B3GALT1: variants seen among roughly 807,000 people sequenced by gnomAD.
B3GALT1 encodes the protein beta-1,3-galactosyltransferase 1.
B3GALT1 carries 10 observed loss-of-function variants against 23.2 expected under a neutral mutation model. That is an observed-to-expected ratio of 0.43 (90% CI 0.27 to 0.73). The LOEUF (loss-of-function observed/expected upper bound fraction) is 0.73. B3GALT1 is among the 30% of genes least tolerant of loss of function. The pLI is 0.21. For synonymous variants in B3GALT1, 156 were observed against 141.5 expected (o/e 1.10, Z -0.73); for missense variants, 299 against 405.4 (o/e 0.74, Z 2.25).
At position 167,803,081 on chromosome 2, in the gene B3GALT1, A is replaced by ACACAC. The variant is rs1553489029; in HGVS notation, c.-351-15591_-351-15590insCACAC. ...TGACAATGTTCATTTGACCCTAACA[A>ACACAC]ACACACACACACACACACACACACA... On this transcript the variant is annotated intron_variant, in intron 3 of 4. Coordinates refer to ENST00000392690, the MANE Select transcript of B3GALT1 (RefSeq NM_020981.4). Among the ~76,000 whole-genome samples, 11 of 141,482 alleles carry ACACAC rather than the reference A, an allele frequency of 7.8e-5. No individual in the cohort carries two copies. The East Asian group carries it at 1.1e-3, about 14-fold the overall frequency. 92.8% of individuals were successfully genotyped at this position (141,482 alleles called of 152,430 possible).
chr2:167,755,372 A>G (rs1269709414), intron 3 of B3GALT1, among the ~76,000 whole-genome samples: 1 of 151,524 alleles, frequency 6.6e-6, no homozygotes, highest in Non-Finnish European at 1.5e-5. Context: ...TTGATGTTGC[A>G]TTGTTCACCC....
chr2:167,473,670 A>T (rs571730518), intron 1 of B3GALT1, among the ~76,000 whole-genome samples: 1 of 152,012 alleles, frequency 6.6e-6, no homozygotes, highest in Admixed American at 6.6e-5. Flanking sequence ...CAGTTTTTTG[A>T]TTATCACAAT....
At chr2:167,546,580 G>A (rs1683639549) in intron 2 of B3GALT1, among the ~76,000 whole-genome samples, 1 of 152,086 alleles carries the variant, frequency 6.6e-6, no homozygotes, top group South Asian at 2.1e-4. Context: ...CAAGGACAGA[G>A]ACCAGAACTT....
intron 1 of B3GALT1, among the ~76,000 whole-genome samples, chr2:167,294,226 G>T (rs1000300465): frequency 1.3e-5 from 2 of 152,318 alleles, no homozygotes; most frequent in Admixed American, 6.5e-5. Flanking sequence ...GACCCGGCCT[G>T]GTGCGCCTCT....
chr2:167,592,370 G>GATCCTC (rs1329924758), intron 2 of B3GALT1, among the ~76,000 whole-genome samples: 1 of 152,114 alleles, frequency 6.6e-6, no homozygotes, highest in East Asian at 1.9e-4. Flanking sequence ...CATGAAACGG[G>GATCCTC]CATTATGGAA....
At chr2:167,636,607 T>C (rs1574182220) in intron 2 of B3GALT1, among the ~76,000 whole-genome samples, 1 of 152,232 alleles carries the variant, frequency 6.6e-6, no homozygotes, top group East Asian at 1.9e-4. Context: ...AATGATAGAC[T>C]GGATAAAGAA....
chr2:167,785,276 G>T (rs544100471), intron 3 of B3GALT1, among the ~76,000 whole-genome samples: 2 of 152,170 alleles, frequency 1.3e-5, no homozygotes, highest in East Asian at 3.9e-4. Flanking sequence ...TGGGAAGATG[G>T]TTGGGATCGT....
At chr2:167,672,219 C>A (rs149548151) in intron 3 of B3GALT1, among the ~76,000 whole-genome samples, 1 of 152,118 alleles carries the variant, frequency 6.6e-6, no homozygotes, top group African/African-American at 2.4e-5. Context: ...ACCCTCCTTA[C>A]GATCCCCATC....
intron 1 of B3GALT1, among the ~76,000 whole-genome samples, chr2:167,338,416 A>C (rs1697094155): frequency 6.6e-6 from 1 of 152,156 alleles, no homozygotes; most frequent in Non-Finnish European, 1.5e-5. Flanking sequence ...GTAAAATGTC[A>C]AGAATATTCC....
chr2:167,495,326 CTTTTTTTT>C (rs954749958), intron 2 of B3GALT1, among the ~76,000 whole-genome samples: 1 of 57,884 alleles, frequency 1.7e-5, no homozygotes, highest in South Asian at 6.0e-4. Flanking sequence ...GCTTGCTTGC[CTTTTTTTT>C]TTTTTTTTTT....
At chr2:167,781,655 A>G (rs368646619) in intron 3 of B3GALT1, among the ~76,000 whole-genome samples, 4 of 152,156 alleles carry the variant, frequency 2.6e-5, no homozygotes, top group South Asian at 4.1e-4. Context: ...CCTCTCAGGC[A>G]GGGAATGGAC....
chr2:167,715,326 C>T, intron 3 of B3GALT1: 1 of 1,613,916 alleles, frequency 6.2e-7, no homozygotes, highest in South Asian at 1.1e-5. Flanking sequence ...TTGGAGTCTT[C>T]AAATGTTATT....
chr2:167,806,806 G>A (rs542734039), intron 3 of B3GALT1, among the ~76,000 whole-genome samples: 1 of 152,126 alleles, frequency 6.6e-6, no homozygotes, highest in African/African-American at 2.4e-5. Flanking sequence ...CCAGGCTTTG[G>A]TATCAGGATG....
chr2:167,370,315 A>G (rs1697662484), intron 1 of B3GALT1, among the ~76,000 whole-genome samples: 1 of 152,234 alleles, frequency 6.6e-6, no homozygotes, highest in Non-Finnish European at 1.5e-5. Flanking sequence ...CATTTCTTGC[A>G]GGGGCATATA....
chr2:167,389,909 C>CAAAAA (rs141871874), intron 1 of B3GALT1, among the ~76,000 whole-genome samples: 8 of 112,580 alleles, frequency 7.1e-5, no homozygotes, highest in Non-Finnish European at 1.1e-4. Context: ...ATACCCTGTC[C>CAAAAA]AAAAAAAAAA....
chr2:167,572,271 A>G (rs569491163), intron 2 of B3GALT1, among the ~76,000 whole-genome samples: 154 of 151,920 alleles, frequency 1.0e-3, no homozygotes, highest in African/African-American at 3.4e-3. Flanking sequence ...TCCACGGAAA[A>G]TATGTAAATG....
At chr2:167,684,162 G>A (rs1032061077) in intron 3 of B3GALT1, among the ~76,000 whole-genome samples, 1 of 152,218 alleles carries the variant, frequency 6.6e-6, no homozygotes, top group Non-Finnish European at 1.5e-5. Flanking sequence ...CTTGGAGGGA[G>A]AAATGCTACT....
intron 2 of B3GALT1, among the ~76,000 whole-genome samples, chr2:167,628,291 A>G (rs1267235441): frequency 6.6e-6 from 1 of 151,638 alleles, no homozygotes; most frequent in Non-Finnish European, 1.5e-5. Flanking sequence ...ATCAGTATAC[A>G]TTATGCTTTC....
At chr2:167,503,134 A>G (rs1699870368) in intron 2 of B3GALT1, among the ~76,000 whole-genome samples, 1 of 152,202 alleles carries the variant, frequency 6.6e-6, no homozygotes, top group African/African-American at 2.4e-5. Flanking sequence ...TATGACATAT[A>G]AACTATTTCA....
Sources: allele counts gnomAD v4.1 joint callset (sites outside exome capture counted in the v4.1 genomes callset), GRCh38; gene constraint gnomAD v4.1.1; transcripts MANE v1.5; gene names NCBI Gene and HGNC (gene_info 2026-07-23, HGNC 2026-07-21).